RBFOX1: variants seen among roughly 807,000 people sequenced by gnomAD.
The protein encoded by RBFOX1 is RNA binding protein fox-1 homolog 1.
In RBFOX1, 8 loss-of-function variants were observed where a neutral mutation model predicts 57.7. The ratio of observed to expected loss-of-function variants is 0.14; its 90% confidence interval spans 0.08 to 0.25. The LOEUF (loss-of-function observed/expected upper bound fraction) is 0.25. Ranked by LOEUF, RBFOX1 falls within the 10% of genes least tolerant of loss-of-function variation. RBFOX1 has a pLI of 1.00. For missense variants in RBFOX1, 611 were observed against 548.5 expected (o/e 1.11, Z -1.14); for synonymous variants, 326 against 222.4 (o/e 1.47, Z -4.15).
At chr16:5,907,645 C>T (rs184918245) in intron 4 of RBFOX1, among the ~76,000 whole-genome samples, 4 of 152,048 alleles carry the variant, frequency 2.6e-5, no homozygotes, top group Non-Finnish European at 5.9e-5. Flanking sequence ...GTTTTCCTGA[C>T]GATGCATGTG....
At chr16:6,874,060 T>G (rs970400286) in intron 3 of RBFOX1, 1 of 152,132 alleles carries the variant, frequency 6.6e-6, no homozygotes, top group African/African-American at 2.4e-5. Flanking sequence ...AAAGAAGTCA[T>G]TATATGAAAA....
chr16:6,479,095 T>G (rs1423123514), intron 2 of RBFOX1, among the ~76,000 whole-genome samples: 2 of 152,294 alleles, frequency 1.3e-5, no homozygotes, highest in African/African-American at 4.8e-5. Context: ...CCTGTGTGTG[T>G]GTGTGTTTGT....
At chr16:6,561,720 T>A (rs1313417406) in intron 2 of RBFOX1, among the ~76,000 whole-genome samples, 1 of 152,216 alleles carries the variant, frequency 6.6e-6, no homozygotes, top group Non-Finnish European at 1.5e-5. Flanking sequence ...GACACCAGGA[T>A]GAATTTTTAA....
At chr16:6,384,097 A>T in intron 2 of RBFOX1, among the ~76,000 whole-genome samples, 1 of 132,950 alleles carries the variant, frequency 7.5e-6, no homozygotes, top group African/African-American at 2.9e-5. Flanking sequence ...ATGTTGCTAA[A>T]TTTGCTTGTA....
At chr16:5,504,524 A>T (rs1299932036) in intron 2 of RBFOX1, among the ~76,000 whole-genome samples, 4 of 152,218 alleles carry the variant, frequency 2.6e-5, no homozygotes, top group Admixed American at 2.6e-4. Context: ...CTCCATTCAC[A>T]GATAGGCTCT....
At chr16:5,399,538 A>T (rs74528723) in intron 1 of RBFOX1, among the ~76,000 whole-genome samples, 2 of 152,060 alleles carry the variant, frequency 1.3e-5, no homozygotes, top group Non-Finnish European at 1.5e-5. Flanking sequence ...AATTGGATCA[A>T]TGCCATCCTG....
rs556250600 is a variant in RBFOX1, at chr16:5,663,929, C to T, written c.318+64968C>T. Among the ~76,000 whole-genome samples the T allele has an allele frequency of 1.1e-4, 17 of 152,284 alleles. No individual in the cohort carries two copies. In the South Asian group the frequency reaches 2.5e-3, roughly 22 times the overall value. ...TTCCAGTTGAAGCAAATGGGGCAGTCGCCTTCCCTTCAGGGACAAGCCAGC... is the reference window on the plus strand; with the variant it reads ...TTCCAGTTGAAGCAAATGGGGCAGTTGCCTTCCCTTCAGGGACAAGCCAGC... On this transcript the variant is annotated intron_variant, in intron 3 of 19. Transcript: ENST00000641259.
At chr16:5,409,452 C>G (rs985449849) in intron 1 of RBFOX1, among the ~76,000 whole-genome samples, 1 of 152,220 alleles carries the variant, frequency 6.6e-6, no homozygotes, top group Non-Finnish European at 1.5e-5. Flanking sequence ...ACAACAATGT[C>G]TTCTTGCAAA....
intron 1 of RBFOX1, among the ~76,000 whole-genome samples, chr16:6,276,030 A>T (rs1017781898): frequency 6.6e-6 from 1 of 152,318 alleles, no homozygotes; most frequent in Non-Finnish European, 1.5e-5. Context: ...CTATTCTTTA[A>T]TTGTACAGAT....
intron 1 of RBFOX1, among the ~76,000 whole-genome samples, chr16:5,455,617 C>G (rs1270707390): frequency 6.6e-6 from 1 of 152,192 alleles, no homozygotes; most frequent in African/African-American, 2.4e-5. Context: ...TTTTACTCAT[C>G]TGGATTCCCT....
intron 1 of RBFOX1, among the ~76,000 whole-genome samples, chr16:5,328,760 A>G (rs1297229057): frequency 6.6e-6 from 1 of 152,200 alleles, no homozygotes; most frequent in Non-Finnish European, 1.5e-5. Context: ...AAAAGTGGCC[A>G]TCCGATTCAA....
Position 6,600,158 on chromosome 16 carries a change from A to T in RBFOX1, c.-63-54445A>T, listed in dbSNP as rs547826889. ...CATCACCCAATTTAGTAGGACACAG[A>T]ATCAGATTATTATTACTTTTTGTCT... On this transcript the variant is annotated intron_variant, in intron 2 of 15. Transcript: ENST00000550418. 3.9e-5 allele frequency among the ~76,000 whole-genome samples: 6 copies of T among 152,258 alleles called. No individual in the cohort carries two copies. The South Asian group carries it at 1.2e-3, about 32-fold the overall frequency.
chr16:6,596,831 G>C (rs1180792512), intron 2 of RBFOX1, among the ~76,000 whole-genome samples: 1 of 152,122 alleles, frequency 6.6e-6, no homozygotes, highest in Non-Finnish European at 1.5e-5. Flanking sequence ...TTACAATTGA[G>C]AACAGCTGAT....
rs117176776 is a variant in RBFOX1, at chr16:6,948,714, A to G, written c.-15-103343A>G. ...AGTCTTATCAGAAACTCCCTCCTCC[A>G]TCATTTGACTATGTTTTGAAATGTT... On this transcript the variant is annotated intron_variant, in intron 3 of 15. Coordinates refer to ENST00000550418, the MANE Select transcript of RBFOX1 (RefSeq NM_018723.4). Among the ~76,000 whole-genome samples the G allele has an allele frequency of 8.5e-4, 130 of 152,114 alleles. 4 individuals carry two copies. The East Asian group carries it at 0.021, about 24-fold the overall frequency.
intron 3 of RBFOX1, among the ~76,000 whole-genome samples, chr16:6,695,945 A>G (rs2060976761): frequency 6.6e-6 from 1 of 152,196 alleles, no homozygotes; most frequent in African/African-American, 2.4e-5. Flanking sequence ...TTCCTTTTAT[A>G]ACCACATTGC....
At chr16:6,707,544 G>A (rs907872370) in intron 3 of RBFOX1, among the ~76,000 whole-genome samples, 6 of 144,874 alleles carry the variant, frequency 4.1e-5, no homozygotes, top group African/African-American at 1.1e-4. Context: ...GCATCTTGGG[G>A]CATTTCTAAG....
intron 4 of RBFOX1, among the ~76,000 whole-genome samples, chr16:7,438,697 C>T (rs1392255308): frequency 6.6e-6 from 1 of 152,222 alleles, no homozygotes; most frequent in Non-Finnish European, 1.5e-5. Flanking sequence ...CTAAAGTCGG[C>T]TTCAGAGAGG....
intron 3 of RBFOX1, among the ~76,000 whole-genome samples, chr16:5,783,853 A>T (rs2054406923): frequency 6.6e-6 from 1 of 152,132 alleles, no homozygotes; most frequent in African/African-American, 2.4e-5. Context: ...CTCATCTACA[A>T]AGTAAGGATC....
At chr16:6,923,041 G>C (rs965480418) in intron 3 of RBFOX1, among the ~76,000 whole-genome samples, 1 of 152,210 alleles carries the variant, frequency 6.6e-6, no homozygotes, top group African/African-American at 2.4e-5. Context: ...AGACAGTGCA[G>C]TACCGTCGGC....
Sources: gnomAD v4.1 joint callset for allele counts (sites outside exome capture counted in the v4.1 genomes callset) on GRCh38, gnomAD v4.1.1 for gene constraint, MANE v1.5 for transcripts, NCBI Gene and HGNC (gene_info 2026-07-23, HGNC 2026-07-21) for gene names.